NMNAT3: variants seen among roughly 807,000 people sequenced by gnomAD.
NMNAT3 encodes nicotinamide/nicotinic acid mononucleotide adenylyltransferase 3.
A neutral mutation model predicts 24.8 loss-of-function variants in NMNAT3; 21 were observed. The ratio of observed to expected loss-of-function variants is 0.85; its 90% CI spans 0.60 to 1.22. The LOEUF (loss-of-function observed/expected upper bound fraction) is 1.22, where lower values mean the gene tolerates loss of function less well. Among genes scored for constraint, NMNAT3 ranks in the 50% most tolerant of loss-of-function variants. NMNAT3 has a pLI of 0.00. For missense variants in NMNAT3, 387 were observed against 436.6 expected, an observed-to-expected ratio of 0.89 and a Z score of 1.01; for synonymous variants, 136 against 155.2, an observed-to-expected ratio of 0.88 and a Z score of 0.92.
intron 3 of NMNAT3, among the ~76,000 whole-genome samples, chr3:139,626,182 T>C (rs1381740433): frequency 6.6e-6 from 1 of 152,188 alleles, no homozygotes. Flanking sequence ...ATTTCAGTTA[T>C]TATTTCTTCA....
intron 6 of NMNAT3, among the ~76,000 whole-genome samples, chr3:139,564,029 A>C (rs1370832828): frequency 6.6e-6 from 1 of 152,180 alleles, no homozygotes; most frequent in Non-Finnish European, 1.5e-5. Flanking sequence ...GGTTGTCCTA[A>C]GTCTGTGAGA....
At chr3:139,633,114 G>A (rs548310505) in intron 2 of NMNAT3, among the ~76,000 whole-genome samples, 308 of 152,146 alleles carry the variant, frequency 2.0e-3, no homozygotes, top group African/African-American at 7.1e-3. Flanking sequence ...TAGAAGGAAC[G>A]CGGACCCCTT....
chr3:139,651,313 AT>A (rs942917322), intron 1 of NMNAT3, among the ~76,000 whole-genome samples: 5 of 150,674 alleles, frequency 3.3e-5, no homozygotes, highest in African/African-American at 7.3e-5. Flanking sequence ...CCAAGTCTCC[AT>A]TTTTTTTTGC....
chr3:139,666,859 T>A (rs1371488970), intron 1 of NMNAT3, among the ~76,000 whole-genome samples: 1 of 152,224 alleles, frequency 6.6e-6, no homozygotes, highest in African/African-American at 2.4e-5. Context: ...GTGCCTGGCT[T>A]ATTTCACTTA....
Position 139,643,297 on chromosome 3 carries a change from A to T in NMNAT3, c.-140-5235T>A, listed in dbSNP as rs189316131. 2.6e-4 allele frequency among the ~76,000 whole-genome samples: 39 copies of T among 152,340 alleles called. No individual in the cohort carries two copies. In the East Asian group the frequency reaches 6.6e-3, roughly 26 times the overall value. On this transcript the variant is annotated intron_variant, in intron 1 of 6. Transcript: ENST00000643695. ...AAATGCTGCAGCTGCTATAGAAAAC[A>T]GTATGGAGGTTCCTTAAAAGATTAA...
chr3:139,611,360 G>T (rs1319481421), intron 3 of NMNAT3, among the ~76,000 whole-genome samples: 1 of 152,230 alleles, frequency 6.6e-6, no homozygotes, highest in Non-Finnish European at 1.5e-5. Context: ...GACAGTTTAT[G>T]TAGATCATCA....
intron 6 of NMNAT3, 46 bp from the exon 7 acceptor site, chr3:139,561,438 G>T: frequency 6.4e-7 from 1 of 1,564,816 alleles, no homozygotes; most frequent in Non-Finnish European, 8.7e-7. Context: ...AGAGGTCACT[G>T]CCAGGAAAGA....
chr3:139,594,961 G>C (rs2108190298), intron 3 of NMNAT3, among the ~76,000 whole-genome samples: 1 of 152,242 alleles, frequency 6.6e-6, no homozygotes, highest in Non-Finnish European at 1.5e-5. Flanking sequence ...GTTCTGGCCA[G>C]GGCAATTAGG....
chr3:139,613,917 C>T (rs1057262827), intron 3 of NMNAT3, among the ~76,000 whole-genome samples: 1 of 151,750 alleles, frequency 6.6e-6, no homozygotes, highest in Admixed American at 6.6e-5. Flanking sequence ...TGTTCTCACT[C>T]ATAGGTGGGA....
At chr3:139,595,722 A>G (rs1008837849) in intron 3 of NMNAT3, among the ~76,000 whole-genome samples, 2 of 137,334 alleles carry the variant, frequency 1.5e-5, no homozygotes, top group African/African-American at 6.1e-5. Context: ...AGGATTCCCT[A>G]TTTAATAAAT....
chr3:139,594,990 G>T (rs1189985735), intron 3 of NMNAT3, among the ~76,000 whole-genome samples: 1 of 151,966 alleles, frequency 6.6e-6, no homozygotes, highest in Non-Finnish European at 1.5e-5. Context: ...GGAAATAAAG[G>T]GTATTCAATT....
intron 1 of NMNAT3, among the ~76,000 whole-genome samples, chr3:139,677,434 A>C (rs971505167): frequency 1.3e-5 from 2 of 152,176 alleles, no homozygotes; most frequent in African/African-American, 4.8e-5. Flanking sequence ...TAAAGGTGGG[A>C]TCCGAACCCA....
intron 3 of NMNAT3, among the ~76,000 whole-genome samples, chr3:139,593,739 A>T (rs1288347212): frequency 3.4e-5 from 5 of 148,864 alleles, no homozygotes; most frequent in Non-Finnish European, 5.9e-5. Context: ...TGAAGGCAGA[A>T]ATAAAGATGT....
chr3:139,638,664 T>C (rs1032332531), intron 1 of NMNAT3, among the ~76,000 whole-genome samples: 1 of 152,206 alleles, frequency 6.6e-6, no homozygotes, highest in Non-Finnish European at 1.5e-5. Context: ...CTGCCTTAGA[T>C]TGGGACTCAT....
At chr3:139,643,342 C>G (rs983072839) in intron 1 of NMNAT3, among the ~76,000 whole-genome samples, 2 of 152,010 alleles carry the variant, frequency 1.3e-5, no homozygotes, top group Non-Finnish European at 1.5e-5. Context: ...GCCATATGAT[C>G]CAGGAATTCC....
rs551026859 is a variant in NMNAT3 at position 139,622,962 on chromosome 3, C to T, written c.109+4654G>A. On this transcript the variant is annotated intron_variant, in intron 3 of 6. Coordinates refer to ENST00000643695, the MANE Select transcript of NMNAT3 (RefSeq NM_001320510.2). The stretch of plus-strand genomic sequence containing the variant: ...AGGCGTGAGTAAATGTGAAGGACTA[C>T]AGTATTACTGTAGACTCCTATAGAC... Among the ~76,000 whole-genome samples the T allele has an allele frequency of 3.6e-3, 532 of 148,264 alleles. 1 individual carries two copies. Among genetic ancestry groups the T allele is most frequent in the African/African-American group, 0.012 (483 of 40,640 alleles).
chr3:139,614,005 G>T (rs989256474), intron 3 of NMNAT3, among the ~76,000 whole-genome samples: 1 of 151,876 alleles, frequency 6.6e-6, no homozygotes, highest in African/African-American at 2.4e-5. Context: ...GGGAAGGGGG[G>T]AGGGATAGCA....
intron 3 of NMNAT3, among the ~76,000 whole-genome samples, chr3:139,600,050 T>C (rs1011295090): frequency 6.6e-6 from 1 of 152,206 alleles, no homozygotes; most frequent in Admixed American, 6.5e-5. Context: ...CTCTTCTGTC[T>C]GGCTTCAATT....
chr3:139,642,369 G>A (rs1559943760), intron 1 of NMNAT3, among the ~76,000 whole-genome samples: 2 of 152,126 alleles, frequency 1.3e-5, no homozygotes, highest in Non-Finnish European at 2.9e-5. Flanking sequence ...TGATCCTAGT[G>A]TGCAAAGATA....
Sources: allele counts gnomAD v4.1 joint callset (sites outside exome capture counted in the v4.1 genomes callset), GRCh38; gene constraint gnomAD v4.1.1; transcripts MANE v1.5; gene names NCBI Gene and HGNC (gene_info 2026-07-23, HGNC 2026-07-21).